SLC68A1: variants seen among roughly 807,000 people sequenced by gnomAD.
SLC68A1 encodes the protein major facilitator superfamily domain containing 13A.
At chr10:102,471,178 TGCTGGGTC>T in the SLC68A1 span, 4 of 386,692 alleles carry the variant, frequency 1.0e-5, no homozygotes, top group African/African-American at 1.0e-4. Context: ...CTGATTTCGG[TGCTGGGTC>T]CCCGGCTGAT....
At chr10:102,472,247 G>A in the SLC68A1 span, 1 of 287,734 alleles carries the variant, frequency 3.5e-6, no homozygotes, top group Non-Finnish European at 6.8e-6. Context: ...TTCATGTTAT[G>A]AAATTTGTTT....
chr10:102,471,358 C>T, the SLC68A1 span: 18 of 1,613,506 alleles, frequency 1.1e-5, no homozygotes, highest in East Asian at 2.5e-4. Context: ...GGCACGCCAT[C>T]GGAACTTCCT....
the SLC68A1 span, among the ~76,000 whole-genome samples, chr10:102,462,717 A>G: frequency 6.6e-6 from 1 of 152,134 alleles, no homozygotes; most frequent in African/African-American, 2.4e-5. Context: ...TCCTCAGCAT[A>G]GAATCTTGCA....
At chr10:102,465,296 G>A in the SLC68A1 span, among the ~76,000 whole-genome samples, 1 of 151,316 alleles carries the variant, frequency 6.6e-6, no homozygotes, top group Non-Finnish European at 1.5e-5. Context: ...GTGGTGGCAG[G>A]CGCCTGTAAT....
chr10:102,464,771 C>T, the SLC68A1 span, among the ~76,000 whole-genome samples: 4 of 113,994 alleles, frequency 3.5e-5, no homozygotes, highest in South Asian at 5.7e-4. Context: ...GCCTGGGCAA[C>T]AGAGCGAGAC....
the SLC68A1 span, among the ~76,000 whole-genome samples, chr10:102,474,359 C>T: frequency 6.6e-6 from 1 of 152,206 alleles, no homozygotes; most frequent in Non-Finnish European, 1.5e-5. Context: ...AAGACATTAT[C>T]AGGCAGTAAT....
At chr10:102,470,731 G>A in the SLC68A1 span, 2 of 1,613,604 alleles carry the variant, frequency 1.2e-6, no homozygotes, top group Non-Finnish European at 1.7e-6. Flanking sequence ...GCTGGCATGG[G>A]CCGCTGCTGG....
the SLC68A1 span, chr10:102,472,304 C>T: frequency 3.4e-6 from 1 of 293,544 alleles, no homozygotes; most frequent in Non-Finnish European, 6.7e-6. Context: ...ACTTTGTTGC[C>T]CAGGCTGGAG....
chr10:102,476,686 G>T, the SLC68A1 span: 1 of 986,262 alleles, frequency 1.0e-6, no homozygotes, highest in Non-Finnish European at 1.2e-6. Flanking sequence ...TGCTTCTCTT[G>T]TAAGGCAGGA....
chr10:102,469,094 T>A, the SLC68A1 span: 1 of 1,614,160 alleles, frequency 6.2e-7, no homozygotes, highest in East Asian at 2.2e-5. Flanking sequence ...TATGGCTCCC[T>A]GGCTCTCTTC....
the SLC68A1 span, chr10:102,468,842 TG>T: frequency 1.7e-6 from 1 of 580,634 alleles, no homozygotes; most frequent in Non-Finnish European, 3.1e-6. Context: ...CCAGCGCTGT[TG>T]TAAGTACAAA....
the SLC68A1 span, among the ~76,000 whole-genome samples, chr10:102,474,661 A>C: frequency 6.6e-6 from 1 of 151,878 alleles, no homozygotes; most frequent in Non-Finnish European, 1.5e-5. Context: ...TTATTTATTT[A>C]CTTTTTGAGA....
the SLC68A1 span, among the ~76,000 whole-genome samples, chr10:102,470,241 G>A: frequency 6.6e-6 from 1 of 152,176 alleles, no homozygotes; most frequent in Admixed American, 6.5e-5. Flanking sequence ...TTGGGTTGGA[G>A]AGGTGGCCTT....
At chr10:102,467,357 G>A in the SLC68A1 span, among the ~76,000 whole-genome samples, 4 of 152,216 alleles carry the variant, frequency 2.6e-5, no homozygotes, top group South Asian at 4.1e-4. Context: ...TTTAACATAC[G>A]TTACTCAGAA....
the SLC68A1 span, chr10:102,469,701 C>G: frequency 4.0e-6 from 1 of 250,326 alleles, no homozygotes; most frequent in Non-Finnish European, 6.3e-6. Flanking sequence ...CACCCGCCAC[C>G]ACGCCCGGCT....
the SLC68A1 span, chr10:102,468,946 C>A: frequency 1.6e-6 from 2 of 1,251,590 alleles, no homozygotes; most frequent in Middle Eastern, 2.4e-4. Flanking sequence ...CTGGTTCCTT[C>A]TTCCCCAGGG....
At chr10:102,473,625 G>C in the SLC68A1 span, 1 of 1,614,056 alleles carries the variant, frequency 6.2e-7, no homozygotes, top group East Asian at 2.2e-5. Context: ...CCCTGTGCCG[G>C]CGCTGGGGCG....
chr10:102,471,004 G>T, the SLC68A1 span: 1 of 1,613,418 alleles, frequency 6.2e-7, no homozygotes, highest in South Asian at 1.1e-5. Flanking sequence ...CTTTCTGCGT[G>T]ACACTGGCTG....
the SLC68A1 span, chr10:102,475,847 C>T: frequency 1.2e-6 from 2 of 1,614,054 alleles, no homozygotes; most frequent in Non-Finnish European, 8.5e-7. Context: ...CCTGCTGGTG[C>T]TGGTGCCCAT....
Sources: gnomAD v4.1 joint callset for allele counts (sites outside exome capture counted in the v4.1 genomes callset) on GRCh38, gnomAD v4.1.1 for gene constraint, MANE v1.5 for transcripts, NCBI Gene and HGNC (gene_info 2026-07-23, HGNC 2026-07-21) for gene names.